SMOC1: variants seen among roughly 807,000 people sequenced by gnomAD.
SMOC1 encodes SPARC-related modular calcium-binding protein 1.
In SMOC1, 22 loss-of-function variants were observed where a neutral mutation model predicts 56.3. The ratio of observed to expected loss-of-function variants is 0.39; its 90% CI spans 0.28 to 0.56. The LOEUF (loss-of-function observed/expected upper bound fraction) is 0.56. Among genes scored for constraint, SMOC1 ranks in the 20% least tolerant of loss-of-function variants. The pLI, the probability that SMOC1 is intolerant of heterozygous loss-of-function variation, is 0.61. For missense variants in SMOC1, 509 were observed against 565.4 expected (o/e 0.90, Z 1.01); for synonymous variants, 193 against 215.0 (o/e 0.90, Z 0.89).
rs966357888 is a variant in SMOC1 at position 69,972,624 on chromosome 14, T to C, written c.379-3091T>C. On this transcript the variant is annotated intron_variant, in intron 3 of 11. Coordinates refer to ENST00000361956, the MANE Select transcript of SMOC1 (RefSeq NM_001034852.3). ...GCTCTGGGGAGAAAGGAGCTGTGTT[T>C]GGGCCTCTGGGCCAGCCGGGAGCTG... 3.3e-5 allele frequency among the ~76,000 whole-genome samples: 5 copies of C among 152,244 alleles called. 1 individual carries two copies. In the East Asian group the frequency reaches 9.7e-4, roughly 30 times the overall value.
chr14:69,940,448 T>C (rs1227595085), intron 1 of SMOC1, among the ~76,000 whole-genome samples: 1 of 152,206 alleles, frequency 6.6e-6, no homozygotes, highest in Admixed American at 6.5e-5. Context: ...TCAGATCTCA[T>C]AGGAGTGTTC....
chr14:69,879,944 T>TC (rs1160052501), intron 1 of SMOC1, among the ~76,000 whole-genome samples, 167 bp downstream of exon 1: 1 of 152,168 alleles, frequency 6.6e-6, no homozygotes, highest in Non-Finnish European at 1.5e-5. Context: ...ATATTTTTTT[T>TC]CTCCCATTGG....
chr14:69,928,625 G>T (rs1323671348), intron 1 of SMOC1, among the ~76,000 whole-genome samples: 1 of 146,410 alleles, frequency 6.8e-6, no homozygotes, highest in Non-Finnish European at 1.5e-5. Context: ...TGGGGGGGGG[G>T]TCCCTTTTCT....
chr14:69,923,069 C>A (rs951990126), intron 1 of SMOC1, among the ~76,000 whole-genome samples: 1 of 152,018 alleles, frequency 6.6e-6, no homozygotes, highest in Non-Finnish European at 1.5e-5. Flanking sequence ...CTCAGCCTCC[C>A]GAGTAGCTGG....
intron 1 of SMOC1, chr14:69,885,487 C>A (rs184447088): frequency 2.5e-6 from 4 of 1,600,308 alleles, no homozygotes; most frequent in Non-Finnish European, 3.4e-6. Flanking sequence ...TAGCTTCCAC[C>A]AGCTTAGCCA....
intron 1 of SMOC1, among the ~76,000 whole-genome samples, chr14:69,884,942 AG>A (rs1276725126): frequency 6.6e-6 from 1 of 151,948 alleles, no homozygotes; most frequent in Non-Finnish European, 1.5e-5. Context: ...CAAAAATTTT[AG>A]GGTTTTTTTT....
At chr14:69,972,673 T>C (rs1883808905) in intron 3 of SMOC1, among the ~76,000 whole-genome samples, 1 of 152,134 alleles carries the variant, frequency 6.6e-6, no homozygotes, top group Non-Finnish European at 1.5e-5. Flanking sequence ...ATGTGCCCAC[T>C]GGGATACAAT....
chr14:69,953,872 T>C (rs553919258), intron 3 of SMOC1, among the ~76,000 whole-genome samples: 1 of 152,294 alleles, frequency 6.6e-6, no homozygotes, highest in East Asian at 1.9e-4. Context: ...TTCTTATTCC[T>C]GCCAGTTTCC....
chr14:69,912,760 GT>G (rs890336070), intron 1 of SMOC1, among the ~76,000 whole-genome samples: 18 of 151,656 alleles, frequency 1.2e-4, no homozygotes, highest in South Asian at 6.3e-4. Flanking sequence ...AAGGCCCTCA[GT>G]TTTTTTTTCC....
chr14:69,914,968 G>C (rs1278623043), intron 1 of SMOC1, among the ~76,000 whole-genome samples: 4 of 152,108 alleles, frequency 2.6e-5, no homozygotes, highest in Non-Finnish European at 5.9e-5. Context: ...CTGGGTTCAA[G>C]TGATTCTCCT....
chr14:70,009,793 G>T (rs559068487), intron 7 of SMOC1, among the ~76,000 whole-genome samples: 4 of 152,158 alleles, frequency 2.6e-5, no homozygotes, highest in Non-Finnish European at 5.9e-5. Flanking sequence ...TTTAACTTTG[G>T]CAGGATTATA....
At position 70,031,232 on chromosome 14, in the gene SMOC1, G is replaced by A. The variant is rs944028497; in HGVS notation, c.*974G>A. ...ATATTTAATATCTAAGCAGGGGAGG[G>A]GACAGGACAGAAAGCCTGCACTGAG... On this transcript the variant is annotated 3_prime_UTR_variant, in exon 12 of 12. Transcript: ENST00000361956. The A allele has an allele frequency of 6.6e-6, 1 of 152,166 alleles. No homozygotes were observed. The highest frequency in any genetic ancestry group is 2.4e-5 in the African/African-American group (1 of 41,412). The allele number at this position is 152,166 out of a possible 1,614,324, so 9.4% of individuals were successfully genotyped here. A position where few individuals can be genotyped will look rare whatever the true frequency, so the allele number is the denominator to read the frequency against.
intron 1 of SMOC1, among the ~76,000 whole-genome samples, chr14:69,918,232 A>T (rs1232857740): frequency 2.3e-4 from 33 of 146,010 alleles, no homozygotes; most frequent in Admixed American, 5.5e-4. Flanking sequence ...ATATATATAT[A>T]TATATTTTTT....
intron 1 of SMOC1, among the ~76,000 whole-genome samples, chr14:69,903,423 A>G (rs1884314440): frequency 6.6e-6 from 1 of 152,244 alleles, no homozygotes. Context: ...GCTCATTGAG[A>G]ACGGGCCATG....
rs757208425 is a variant in SMOC1 at position 69,953,426 on chromosome 14, G to T, written c.272G>T (p.Gly91Val). 1.9e-6 allele frequency: 3 copies of T among 1,614,148 alleles called. No homozygotes were observed. The highest frequency in any genetic ancestry group is 2.2e-5 in the South Asian group (2 of 91,088). Residue 91 changes from glycine (G) to valine (V), a missense_variant, in exon 3 of 12, where the codon GGC becomes GTC. Physicochemically the swap from Gly to Val is moderately radical, Grantham distance 109. Coordinates refer to ENST00000361956, the MANE Select transcript of SMOC1 (RefSeq NM_001034852.3). ...VVHRGRCKDAGQSKCRLERAQ... is the reference protein window; with the variant it reads ...VVHRGRCKDAVQSKCRLERAQ... ...TGCTCCTCTCCTCTTTCAGATGCTG[G>T]CCAGAGCAAGTGTCGCCTGGAGCGG...
intron 1 of SMOC1, among the ~76,000 whole-genome samples, chr14:69,896,340 G>A (rs1884098802): frequency 6.6e-6 from 1 of 152,064 alleles, no homozygotes. Context: ...TCTCAGAAAA[G>A]CCACTTTCTA....
intron 1 of SMOC1, chr14:69,886,194 T>C (rs889188086): frequency 1.1e-5 from 9 of 837,904 alleles, no homozygotes; most frequent in Non-Finnish European, 1.8e-5. Context: ...TCTGGTCCAC[T>C]TGTATTCTAA....
chr14:70,029,011 A>G (rs979274389), intron 11 of SMOC1, among the ~76,000 whole-genome samples: 2 of 152,148 alleles, frequency 1.3e-5, no homozygotes, highest in Admixed American at 6.5e-5. Context: ...CCTCAAGGCA[A>G]TTCTGAGAGG....
At chr14:69,947,974 A>G (rs556891901) in intron 1 of SMOC1, among the ~76,000 whole-genome samples, 6 of 152,298 alleles carry the variant, frequency 3.9e-5, no homozygotes, top group Non-Finnish European at 8.8e-5. Context: ...TCCTGTTAAC[A>G]TGCTCCTTGT....
Sources: gnomAD v4.1 joint callset for allele counts (sites outside exome capture counted in the v4.1 genomes callset) on GRCh38, gnomAD v4.1.1 for gene constraint, MANE v1.5 for transcripts, NCBI Gene and HGNC (gene_info 2026-07-23, HGNC 2026-07-21) for gene names.